DTNB: variants seen among roughly 807,000 people sequenced by gnomAD.
DTNB encodes DTN-B.
In DTNB, 63 loss-of-function variants were observed where a neutral mutation model predicts 90.7. The observed-to-expected ratio is 0.69, with a 90% confidence interval of 0.57 to 0.86. The LOEUF is 0.86. DTNB is among the 40% of genes least tolerant of loss of function. The pLI, the probability that DTNB is intolerant of heterozygous loss-of-function variation, is 0.00. For missense variants in DTNB, 744 were observed against 807.1 expected (o/e 0.92, Z 0.95); for synonymous variants, 277 against 286.7 (o/e 0.97, Z 0.34).
At chr2:25,412,844 T>C (rs2046936964) in intron 16 of DTNB, among the ~76,000 whole-genome samples, 1 of 152,122 alleles carries the variant, frequency 6.6e-6, no homozygotes, top group Non-Finnish European at 1.5e-5. Flanking sequence ...AGACTAGGAT[T>C]GGGATATTGT....
At chr2:25,466,980 T>C (rs1272749283) in intron 10 of DTNB, among the ~76,000 whole-genome samples, 1 of 152,212 alleles carries the variant, frequency 6.6e-6, no homozygotes, top group Non-Finnish European at 1.5e-5. Flanking sequence ...GGTTGAGTGT[T>C]GGTAGGACAA....
chr2:25,647,513 A>T (rs2079757246), intron 2 of DTNB, among the ~76,000 whole-genome samples: 1 of 152,250 alleles, frequency 6.6e-6, no homozygotes, highest in South Asian at 2.1e-4. Context: ...ATCTTCTCAC[A>T]TTTCCTGACC....
intron 1 of DTNB, among the ~76,000 whole-genome samples, chr2:25,671,760 G>C (rs2085969113): frequency 6.6e-6 from 1 of 152,138 alleles, no homozygotes; most frequent in African/African-American, 2.4e-5. Flanking sequence ...AAAATCCTTA[G>C]AGAACTCATA....
chr2:25,581,672 G>C (rs2061571426), intron 6 of DTNB, among the ~76,000 whole-genome samples: 1 of 152,194 alleles, frequency 6.6e-6, no homozygotes, highest in Non-Finnish European at 1.5e-5. Flanking sequence ...GATATAGAGA[G>C]AACAAATTCT....
chr2:25,558,542 C>T, intron 8 of DTNB: 1 of 296,178 alleles, frequency 3.4e-6, no homozygotes, highest in African/African-American at 2.3e-5. Flanking sequence ...GAAAAACCTC[C>T]TTGTCATCGC....
chr2:25,407,829 C>T (rs966637178), intron 16 of DTNB, among the ~76,000 whole-genome samples: 12 of 152,194 alleles, frequency 7.9e-5, no homozygotes, highest in Admixed American at 2.6e-4. Flanking sequence ...GCAATGTACA[C>T]TAGTTGGGTG....
intron 2 of DTNB, among the ~76,000 whole-genome samples, chr2:25,641,851 C>T (rs1179285534): frequency 6.6e-6 from 1 of 152,110 alleles, no homozygotes; most frequent in African/African-American, 2.4e-5. Flanking sequence ...GACGGAGTCT[C>T]GCTCTGTCAC....
At chr2:25,415,394 A>G (rs1279750221) in intron 16 of DTNB, among the ~76,000 whole-genome samples, 2 of 147,506 alleles carry the variant, frequency 1.4e-5, no homozygotes, top group South Asian at 2.1e-4. Context: ...CTACGGGTGC[A>G]TGCTACCATG....
At chr2:25,630,545 AAGGG>A (rs1180850544) in intron 3 of DTNB, among the ~76,000 whole-genome samples, 1 of 152,240 alleles carries the variant, frequency 6.6e-6, no homozygotes, top group Non-Finnish European at 1.5e-5. Context: ...TGACCAAAAA[AAGGG>A]ATGAAGTGGC....
At chr2:25,456,304 CCAGG>C (rs1247224449) in intron 10 of DTNB, among the ~76,000 whole-genome samples, 7 of 152,136 alleles carry the variant, frequency 4.6e-5, no homozygotes, top group African/African-American at 1.7e-4. Context: ...AAAGCAAACC[CCAGG>C]CAATTATTTC....
chr2:25,578,675 TAAG>T (rs2061081843), intron 7 of DTNB, among the ~76,000 whole-genome samples: 1 of 152,166 alleles, frequency 6.6e-6, no homozygotes, highest in Non-Finnish European at 1.5e-5. Flanking sequence ...CAATTATAAA[TAAG>T]AAAGAGAAGG....
At chr2:25,572,210 G>A (rs994409114) in intron 8 of DTNB, among the ~76,000 whole-genome samples, 1 of 152,184 alleles carries the variant, frequency 6.6e-6, no homozygotes, top group African/African-American at 2.4e-5. Flanking sequence ...GCTCACGCCT[G>A]TAATCCCAGC....
rs764138539 is a variant in DTNB, at chr2:25,576,262, G to GTCTTACTCAGTCTTACTCAGTC, written c.876+575_876+576insGACTGAGTAAGACTGAGTAAGA. ...TTTTTTTGAGACAGAGTCTTACTCT[G>GTCTTACTCAGTCTTACTCAGTC]TTGCCCAGGCTGGAGTGCAGTGGCG... On this transcript the variant is annotated intron_variant, in intron 8 of 20. Coordinates refer to ENST00000406818, the MANE Select transcript of DTNB (RefSeq NM_021907.5). Among the ~76,000 whole-genome samples the GTCTTACTCAGTCTTACTCAGTC allele has an allele frequency of 4.1e-3, 470 of 115,216 alleles. 2 individuals carry two copies. Among genetic ancestry groups the GTCTTACTCAGTCTTACTCAGTC allele is most frequent in the Non-Finnish European group, 5.3e-3 (319 of 60,548 alleles). The allele number at this position is 115,216 out of a possible 152,430, so 75.6% of individuals were successfully genotyped here. A position where few individuals can be genotyped will look rare whatever the true frequency, so the allele number is the denominator to read the frequency against.
intron 10 of DTNB, among the ~76,000 whole-genome samples, chr2:25,456,084 A>G (rs1459157301): frequency 6.6e-6 from 1 of 152,222 alleles, no homozygotes; most frequent in Non-Finnish European, 1.5e-5. Context: ...ACTCTGAGTG[A>G]GGCTCTCTCT....
chr2:25,540,017 G>A (rs1328127672), intron 8 of DTNB, among the ~76,000 whole-genome samples: 1 of 151,844 alleles, frequency 6.6e-6, no homozygotes, highest in Non-Finnish European at 1.5e-5. Context: ...TTCTATTTTT[G>A]CTCCTATAAC....
intron 15 of DTNB, among the ~76,000 whole-genome samples, chr2:25,423,960 T>TA (rs1408034924): frequency 6.6e-6 from 1 of 152,236 alleles, no homozygotes; most frequent in Admixed American, 6.5e-5. Flanking sequence ...GTACCTGGCC[T>TA]AAAATTAGGA....
intron 16 of DTNB, among the ~76,000 whole-genome samples, chr2:25,404,476 A>T (rs770432832): frequency 1.2e-4 from 18 of 152,152 alleles, no homozygotes; most frequent in Non-Finnish European, 2.4e-4. Context: ...TGTGGGGAGC[A>T]GGGAAGACCT....
At chr2:25,452,512 G>C (rs994486717) in intron 11 of DTNB, among the ~76,000 whole-genome samples, 4 of 152,204 alleles carry the variant, frequency 2.6e-5, no homozygotes, top group Non-Finnish European at 2.9e-5. Flanking sequence ...ATGACCAGAG[G>C]TGGCTGTTGT....
At chr2:25,384,948 G>T (rs1196698941) in intron 18 of DTNB, among the ~76,000 whole-genome samples, 1 of 150,540 alleles carries the variant, frequency 6.6e-6, no homozygotes, top group African/African-American at 2.4e-5. Flanking sequence ...GCGCGATCTT[G>T]GCTCACTGCA....
Sources: gnomAD v4.1 joint callset for allele counts (sites outside exome capture counted in the v4.1 genomes callset) on GRCh38, gnomAD v4.1.1 for gene constraint, MANE v1.5 for transcripts, NCBI Gene and HGNC (gene_info 2026-07-23, HGNC 2026-07-21) for gene names.